MYRF: variants seen among roughly 807,000 people sequenced by gnomAD.
MYRF encodes myelin gene regulatory factor.
Under a neutral mutation model 126.3 loss-of-function variants are expected in MYRF, and 16 were observed. The ratio of observed to expected loss-of-function variants is 0.13; its 90% CI spans 0.09 to 0.19. MYRF has a LOEUF of 0.19. Among genes scored for constraint, MYRF ranks in the 10% least tolerant of loss-of-function variants. The pLI is 1.00. For missense variants in MYRF, 1,104 were observed against 1,547.0 expected (o/e 0.71, Z 4.80); for synonymous variants, 608 against 635.3 (o/e 0.96, Z 0.65).
In MYRF at chr11:61,777,179, C is replaced by T; in HGVS notation, c.1591-85C>T. 7.2e-7 allele frequency: 1 copy of T among 1,384,784 alleles called. No homozygotes were observed. The highest frequency in any genetic ancestry group is 1.0e-6 in the Non-Finnish European group (1 of 999,954). 85.8% of individuals were successfully genotyped at this position (1,384,784 alleles called of 1,614,324 possible). A position where few individuals can be genotyped will look rare whatever the true frequency, so the allele number is the denominator to read the frequency against. ...GAAACCCTGGCTGGAAGGGGAGGGG[C>T]TGCTGTGGAGTTTCCCCCTGCTCCC... is the stretch of plus-strand genomic sequence containing the variant. On this transcript the variant is annotated intron_variant, in intron 11 of 26. Transcript: ENST00000278836. This position sits in a 1 kb window ranked among gnomAD's most constrained non-coding sequence, Gnocchi z 8.8.
intron 1 of MYRF, among the ~76,000 whole-genome samples, chr11:61,759,752 A>G (rs913011064): frequency 6.6e-6 from 1 of 152,052 alleles, no homozygotes; most frequent in Non-Finnish European, 1.5e-5. Flanking sequence ...AGAAGCTGGG[A>G]GAGAACAAAG....
At chr11:61,781,089 G>A in intron 20 of MYRF, 44 bp downstream of exon 20, 5 of 1,611,190 alleles carry the variant, frequency 3.1e-6, no homozygotes, top group Non-Finnish European at 4.2e-6. Flanking sequence ...AGGTTGCTAT[G>A]TTCTGTCTTT....
At chr11:61,772,042 C>T in intron 7 of MYRF, 90 bp downstream of exon 7, 2 of 1,526,758 alleles carry the variant, frequency 1.3e-6, no homozygotes, top group Non-Finnish European at 1.8e-6. Flanking sequence ...TGGAGCAGGG[C>T]CTGGGAGCAC....
chr11:61,781,433 C>T (rs1565305024), intron 21 of MYRF, 104 bp downstream of exon 21: 4 of 1,544,114 alleles, frequency 2.6e-6, no homozygotes, highest in Non-Finnish European at 2.6e-6. Context: ...TAGAACGAGG[C>T]TCTGGACAAT....
At position 61,777,552 on chromosome 11, in the gene MYRF, C is replaced by T; in HGVS notation, c.1791+88C>T. 2 of 1,460,066 alleles carry T rather than the reference C, an allele frequency of 1.4e-6. No homozygotes were observed. Among genetic ancestry groups the T allele is most frequent in the Middle Eastern group, 2.4e-4 (1 of 4,242 alleles). The allele number at this position is 1,460,066 out of a possible 1,614,324, so 90.4% of individuals were successfully genotyped here. ...CTCCTGGGGAGGGGGCGTGACTACGCGGAAAGGCGGAGCTGCGGGGGAAGG... is the reference window on the plus strand; with the variant it reads ...CTCCTGGGGAGGGGGCGTGACTACGTGGAAAGGCGGAGCTGCGGGGGAAGG... On this transcript the variant is annotated intron_variant, in intron 12 of 26. Transcript: ENST00000278836. This position sits in a 1 kb window ranked among gnomAD's most constrained non-coding sequence, Gnocchi z 8.8.
In MYRF at chr11:61,783,418, A is replaced by T; in HGVS notation, c.3017-80A>T. ...ACTTATTCATACTAAGGTGTGAGTGACTGCTTCAAGTCTGGCAAGGAAAGA... is the reference window on the plus strand; with the variant it reads ...ACTTATTCATACTAAGGTGTGAGTGTCTGCTTCAAGTCTGGCAAGGAAAGA... On this transcript the variant is annotated intron_variant, in intron 22 of 26. Coordinates refer to ENST00000278836, the MANE Select transcript of MYRF (RefSeq NM_001127392.3). This position sits in a 1 kb window ranked among gnomAD's most constrained non-coding sequence, Gnocchi z 4.6. 9.1e-7 allele frequency: 1 copy of T among 1,095,028 alleles called. No individual in the cohort carries two copies. The highest frequency in any genetic ancestry group is 1.5e-5 in the African/African-American group (1 of 64,842). 67.8% of individuals were successfully genotyped at this position (1,095,028 alleles called of 1,614,324 possible). A position where few individuals can be genotyped will look rare whatever the true frequency, so the allele number is the denominator to read the frequency against.
chr11:61,777,538 G>A lies in MYRF; in HGVS notation c.1791+74G>A, dbSNP rs2066419351. 6.7e-6 allele frequency: 10 copies of A among 1,500,376 alleles called. No individual in the cohort carries two copies. The highest frequency in any genetic ancestry group is 9.0e-6 in the Non-Finnish European group (10 of 1,109,676). The allele number at this position is 1,500,376 out of a possible 1,614,324, so 92.9% of individuals were successfully genotyped here. A position where few individuals can be genotyped will look rare whatever the true frequency, so the allele number is the denominator to read the frequency against. On this transcript the variant is annotated intron_variant, in intron 12 of 26. Transcript: ENST00000278836. This position sits in a 1 kb window ranked among gnomAD's most constrained non-coding sequence, Gnocchi z 8.8. ...CCGCGGGGGCGGGGCTCCTGGGGAG[G>A]GGGCGTGACTACGCGGAAAGGCGGA...
chr11:61,752,772 C>G lies in MYRF; in HGVS notation c.28C>G (p.Leu10Val). 6.7e-7 allele frequency: 1 copy of G among 1,487,926 alleles called. No individual in the cohort carries two copies. Among genetic ancestry groups the G allele is most frequent in the Non-Finnish European group, 8.9e-7 (1 of 1,124,188 alleles). 92.2% of individuals were successfully genotyped at this position (1,487,926 alleles called of 1,614,324 possible). A position where few individuals can be genotyped will look rare whatever the true frequency, so the allele number is the denominator to read the frequency against. ...GGAGGTGGTGGACGAGACGGAGGCG[C>G]TGCAGCGCTTCTTCGAAGGTGAGAG... MEVVDETEA[L>V]QRFFEGHDIN... Residue 10 changes from leucine (L) to valine (V), a missense_variant, in exon 1 of 27, where the codon CTG (leucine) becomes GTG (valine). Physicochemically the swap from Leu to Val is conservative, Grantham distance 32. Transcript: ENST00000278836.
In MYRF at chr11:61,778,750, C is replaced by T. The variant is rs2066456687; in HGVS notation, c.2013+261C>T. ...CTGTGGAGGGCCATGGCCTTCCACC[C>T]CCGGTAAAATGAGGGCGGTAATAGA... On this transcript the variant is annotated intron_variant, in intron 14 of 26. Coordinates refer to ENST00000278836, the MANE Select transcript of MYRF (RefSeq NM_001127392.3). This position sits in a 1 kb window ranked among gnomAD's most constrained non-coding sequence, Gnocchi z 4.6. 1.6e-6 allele frequency: 1 copy of T among 626,500 alleles called. No individual in the cohort carries two copies. Among genetic ancestry groups the T allele is most frequent in the Non-Finnish European group, 3.0e-6 (1 of 336,528 alleles). The allele number at this position is 626,500 out of a possible 1,614,324, so 38.8% of individuals were successfully genotyped here. A position where few individuals can be genotyped will look rare whatever the true frequency, so the allele number is the denominator to read the frequency against.
rs1443575133 is a variant in MYRF at position 61,786,328 on chromosome 11, C to CGAG, written c.*186_*187insAGG. The CGAG allele has an allele frequency of 9.4e-6, 6 of 639,744 alleles. No homozygotes were observed. The highest frequency in any genetic ancestry group is 9.1e-5 in the African/African-American group (5 of 55,156). 39.6% of individuals were successfully genotyped at this position (639,744 alleles called of 1,614,324 possible). ...TGCTGTTCCAGCTGGTCGCCCCTCA[C>CGAG]GGCACAGAGGGAACCTGAGAGCCAG... On this transcript the variant is annotated 3_prime_UTR_variant, in exon 27 of 27. Transcript: ENST00000278836. The surrounding 1 kb of genome is among the most constrained non-coding windows in gnomAD (Gnocchi z 4.5).
chr11:61,766,080 G>T lies in MYRF; in HGVS notation c.257G>T (p.Arg86Leu). ...CCTGGGGGTGGACCCTCCCCGGGGC[G>T]CCATGGTCCCCTCCCACCCCCGGGC... is the stretch of plus-strand genomic sequence containing the variant. Reference protein sequence around the residue: ...SPPGGGPSPGRHGPLPPPGYG... With the variant: ...SPPGGGPSPGLHGPLPPPGYG... Residue 86 changes from arginine (R) to leucine (L), a missense_variant, in exon 3 of 27, where the codon CGC (arginine) becomes CTC (leucine). Arg to Leu is a moderately radical substitution (Grantham distance 102). Around this residue, in one of 10 missense-constraint regions of MYRF, gnomAD observed 368 missense variants for 403.9 expected, o/e 0.91. Coordinates refer to ENST00000278836, the MANE Select transcript of MYRF (RefSeq NM_001127392.3). The T allele has an allele frequency of 6.2e-7, 1 of 1,605,842 alleles. No homozygotes were observed. The highest frequency in any genetic ancestry group is 1.1e-5 in the South Asian group (1 of 90,926).
intron 1 of MYRF, chr11:61,753,913 C>T (rs2065675363): frequency 6.6e-6 from 1 of 152,528 alleles, no homozygotes; most frequent in Non-Finnish European, 1.5e-5. Context: ...CAGAACCTCC[C>T]TGGAACATCT....
intron 5 of MYRF, among the ~76,000 whole-genome samples, chr11:61,771,025 A>G (rs1027334875): frequency 6.6e-6 from 1 of 152,234 alleles, no homozygotes; most frequent in Non-Finnish European, 1.5e-5. Flanking sequence ...CTGTCAAAAC[A>G]TTTTGTAAAC....
chr11:61,782,477 G>C (rs1250308742), intron 22 of MYRF: 1 of 152,286 alleles, frequency 6.6e-6, no homozygotes, highest in Non-Finnish European at 1.5e-5. Context: ...GGAGATGTTT[G>C]CCAGGCACCT....
In MYRF at chr11:61,777,349, G is replaced by A; in HGVS notation, c.1676G>A (p.Arg559His). The A allele has an allele frequency of 6.2e-7, 1 of 1,613,816 alleles. No individual in the cohort carries two copies. Among genetic ancestry groups the A allele is most frequent in the South Asian group, 1.1e-5 (1 of 91,088 alleles). Residue 559 changes from arginine to histidine, a missense_variant, in exon 12 of 27, where the codon CGC becomes CAC. By Grantham distance (29) the Arg-to-His change is conservative. This residue lies in a region of MYRF where 48 missense variants were observed against 148.2 expected (regional missense o/e 0.32). Transcript: ENST00000278836. The surrounding 1 kb of genome is among the most constrained non-coding windows in gnomAD (Gnocchi z 8.8). ...CCCGACACCGTCTTCCACCACGGCC[G>A]CGTGGGCATCAACACAGACCGGCCG... ...QVPDTVFHHG[R>H]VGINTDRPDE... is the part of the protein sequence containing the mutation.
rs1209620262 is a variant in MYRF at position 61,776,160 on chromosome 11, T to C, written c.1388+28T>C. The C allele has an allele frequency of 1.2e-6, 2 of 1,611,568 alleles. No individual in the cohort carries two copies. The highest frequency in any genetic ancestry group is 1.7e-6 in the Non-Finnish European group (2 of 1,177,766). The stretch of plus-strand genomic sequence containing the variant: ...GAGTGTCTGACCCTGTTGGGGGTGG[T>C]ACCTAGAAGGGTCCACAACTAAAGC... On this transcript the variant is annotated intron_variant, in intron 9 of 26. Coordinates refer to ENST00000278836, the MANE Select transcript of MYRF (RefSeq NM_001127392.3). This position sits in a 1 kb window ranked among gnomAD's most constrained non-coding sequence, Gnocchi z 4.3.
At chr11:61,772,438 T>G (rs1487961109) in intron 7 of MYRF, among the ~76,000 whole-genome samples, 1 of 152,236 alleles carries the variant, frequency 6.6e-6, no homozygotes, top group Non-Finnish European at 1.5e-5. Flanking sequence ...ACCACTCCCC[T>G]GGCTCACCCA....
In MYRF at chr11:61,757,584, T is replaced by A. The variant is rs1471617780; in HGVS notation, c.46+4794T>A. The stretch of plus-strand genomic sequence containing the variant: ...GGTTCTGTGTGCAAGGCCTGAACCA[T>A]GACAGCTCTGGCCCAGCGTGGCCTG... On this transcript the variant is annotated intron_variant, in intron 1 of 26. Coordinates refer to ENST00000278836, the MANE Select transcript of MYRF (RefSeq NM_001127392.3). The surrounding 1 kb of genome is among the most constrained non-coding windows in gnomAD (Gnocchi z 4.7). 6.6e-6 allele frequency: 3 copies of A among 456,274 alleles called. No individual in the cohort carries two copies. The highest frequency in any genetic ancestry group is 2.4e-5 in the Admixed American group (1 of 42,542). The allele number at this position is 456,274 out of a possible 1,614,324, so 28.3% of individuals were successfully genotyped here. A position where few individuals can be genotyped will look rare whatever the true frequency, so the allele number is the denominator to read the frequency against.
chr11:61,783,805 G>T lies in MYRF; in HGVS notation c.3120-46G>T. On this transcript the variant is annotated intron_variant, in intron 23 of 26. Transcript: ENST00000278836. The surrounding 1 kb of genome is among the most constrained non-coding windows in gnomAD (Gnocchi z 4.6). ...TGAGGAGTCCCTGGTGGGGGTGGGG[G>T]GTGGCAGGGTACCCTCAGGCTAAGG... 1 of 1,544,108 alleles carries T rather than the reference G, an allele frequency of 6.5e-7. No individual in the cohort carries two copies. Among genetic ancestry groups the T allele is most frequent in the African/African-American group, 1.4e-5 (1 of 73,448 alleles).
Sources: gnomAD v4.1 joint callset for allele counts (sites outside exome capture counted in the v4.1 genomes callset) on GRCh38, gnomAD v4.1.1 for gene constraint, gnomAD v4.1.1 regional missense constraint, Gnocchi (gnomAD v3.1) non-coding constraint, MANE v1.5 for transcripts, NCBI Gene and HGNC (gene_info 2026-07-23, HGNC 2026-07-21) for gene names.